Variants in ROCK1 observed in about 807,000 individuals in gnomAD.
ROCK1 encodes Rho associated coiled-coil containing protein kinase 1.
Under a neutral mutation model 196.8 loss-of-function variants are expected in ROCK1, and 36 were observed. That is an observed-to-expected ratio of 0.18 (90% CI 0.14 to 0.24). The LOEUF is 0.24. Ranked by LOEUF, ROCK1 falls within the 10% of genes least tolerant of loss-of-function variation. The probability of loss-of-function intolerance (pLI) is 1.00; values close to 1 mark genes in which losing one functional copy is unlikely to be tolerated. For synonymous variants in ROCK1, 443 were observed against 515.9 expected (o/e 0.86, Z 1.91); for missense variants, 920 against 1,562.0 (o/e 0.59, Z 6.93).
chr18:20,953,310 A>G (rs1219665591), intron 32 of ROCK1: 1 of 287,966 alleles, frequency 3.5e-6, no homozygotes, highest in Admixed American at 5.0e-5. Context: ...AGTTGGTTAA[A>G]GCATTAAGGG....
chr18:21,018,466 G>A (rs1210588570), intron 12 of ROCK1, among the ~76,000 whole-genome samples: 2 of 151,310 alleles, frequency 1.3e-5, no homozygotes, highest in Non-Finnish European at 2.9e-5. Flanking sequence ...GGAGGCAGAG[G>A]TTGCAGTGAG....
chr18:21,109,055 AT>A (rs2143612923), intron 1 of ROCK1, among the ~76,000 whole-genome samples: 1 of 152,228 alleles, frequency 6.6e-6, no homozygotes, highest in South Asian at 2.1e-4. Context: ...AATCCTATCC[AT>A]CCATTATAAA....
Position 20,960,021 on chromosome 18 carries a change from T to C in ROCK1, c.3424-93A>G, listed in dbSNP as rs191079025. The C allele has an allele frequency of 1.4e-4, 145 of 1,027,548 alleles. 2 individuals are homozygous for C. The East Asian group carries it at 1.8e-3, about 13-fold the overall frequency. The allele number at this position is 1,027,548 out of a possible 1,614,324, so 63.7% of individuals were successfully genotyped here. A position where few individuals can be genotyped will look rare whatever the true frequency, so the allele number is the denominator to read the frequency against. On this transcript the variant is annotated intron_variant, in intron 28 of 32. Transcript: ENST00000399799. ...ATATTTGCCACTAATATCTAGATTA[T>C]ACTGTATTAATGTAAAATAAATGCT...
intron 13 of ROCK1, 29 bp downstream of exon 13, chr18:21,015,402 A>C: frequency 6.9e-7 from 1 of 1,445,220 alleles, no homozygotes; most frequent in Non-Finnish European, 9.6e-7. Flanking sequence ...AATCTCAAAA[A>C]GGAAACTTGA....
At chr18:21,041,069 C>T (rs1453542430) in intron 8 of ROCK1, among the ~76,000 whole-genome samples, 2 of 151,498 alleles carry the variant, frequency 1.3e-5, no homozygotes, top group African/African-American at 2.4e-5. Flanking sequence ...TGCAGTGAGC[C>T]GAGATCATGC....
intron 4 of ROCK1, among the ~76,000 whole-genome samples, chr18:21,047,515 C>T (rs772569099): frequency 4.6e-5 from 7 of 152,082 alleles, no homozygotes; most frequent in Non-Finnish European, 7.4e-5. Flanking sequence ...CTATGGTGAC[C>T]GGGCACGGTG....
chr18:21,073,895 G>A (rs2036408399), intron 1 of ROCK1, among the ~76,000 whole-genome samples: 1 of 152,160 alleles, frequency 6.6e-6, no homozygotes, highest in South Asian at 2.1e-4. Flanking sequence ...GCTCACAACT[G>A]CAATCCCAGC....
At chr18:21,048,268 G>A (rs368283589) in intron 4 of ROCK1, among the ~76,000 whole-genome samples, 10 of 152,160 alleles carry the variant, frequency 6.6e-5, no homozygotes, top group East Asian at 1.9e-4. Context: ...ACTGAAAACC[G>A]AAAGACAAGT....
intron 10 of ROCK1, among the ~76,000 whole-genome samples, chr18:21,027,963 G>A (rs867306242): frequency 1.7e-4 from 25 of 144,488 alleles, no homozygotes; most frequent in Middle Eastern, 3.5e-3. Flanking sequence ...GGGTTTCACC[G>A]TGTTAGCCAG....
intron 9 of ROCK1, among the ~76,000 whole-genome samples, chr18:21,034,406 G>A (rs1376072360): frequency 2.0e-5 from 3 of 152,198 alleles, no homozygotes; most frequent in Admixed American, 2.0e-4. Context: ...TTACTACAGA[G>A]CTACCATAAT....
intron 9 of ROCK1, among the ~76,000 whole-genome samples, chr18:21,035,270 T>A (rs2036047003): frequency 1.3e-5 from 2 of 152,204 alleles, no homozygotes; most frequent in Admixed American, 1.3e-4. Context: ...TGGCTGAGCG[T>A]GGTGGCTCAC....
chr18:21,107,828 C>A (rs749051733), intron 1 of ROCK1, among the ~76,000 whole-genome samples: 1 of 152,114 alleles, frequency 6.6e-6, no homozygotes, highest in African/African-American at 2.4e-5. Flanking sequence ...CCAAGGCAGG[C>A]GGATTCCTTG....
chr18:21,041,891 A>G (rs1018752064), intron 8 of ROCK1, among the ~76,000 whole-genome samples: 7 of 152,154 alleles, frequency 4.6e-5, no homozygotes, highest in African/African-American at 1.7e-4. Flanking sequence ...ATCAGCCAAG[A>G]CTGTATTATT....
intron 4 of ROCK1, among the ~76,000 whole-genome samples, chr18:21,048,838 T>A (rs534829547): frequency 1.3e-5 from 2 of 152,290 alleles, no homozygotes; most frequent in South Asian, 4.1e-4. Context: ...GCATGAGCCA[T>A]CACGCCCAGC....
At chr18:20,958,767 T>C (rs143355292) in intron 29 of ROCK1, among the ~76,000 whole-genome samples, 1,791 of 108,432 alleles carry the variant, frequency 0.017, no homozygotes, top group African/African-American at 0.027. Flanking sequence ...AAATCATCTC[T>C]GTATTACTCA....
intron 6 of ROCK1, among the ~76,000 whole-genome samples, chr18:21,043,392 AACAGC>A (rs2036124697): frequency 6.6e-6 from 1 of 151,910 alleles, no homozygotes; most frequent in Admixed American, 6.6e-5. Flanking sequence ...GTATTAATGA[AACAGC>A]ATTATAACTA....
intron 1 of ROCK1, among the ~76,000 whole-genome samples, chr18:21,105,867 A>G (rs1340128107): frequency 1.3e-5 from 2 of 152,204 alleles, no homozygotes; most frequent in Non-Finnish European, 2.9e-5. Context: ...TGAATTCTTC[A>G]AGAGAGTGAA....
Position 20,970,429 on chromosome 18 carries a change from A to G in ROCK1, c.2739T>C (p.Tyr913=). ...TCTTGCTTTCTTGCGTCAATTCAAA[A>G]TACTGTTCTTCCAGAAGGCCTCGCG... The part of the protein sequence containing the change: ...QLARGLLEEQ[Y]FELTQESKKA... Residue 913 remains tyrosine (Y), a synonymous_variant, in exon 23 of 33, where the codon TAT becomes TAC. Transcript: ENST00000399799. The G allele has an allele frequency of 6.2e-7, 1 of 1,613,994 alleles. No homozygotes were observed. Among genetic ancestry groups the G allele is most frequent in the Non-Finnish European group, 8.5e-7 (1 of 1,179,874 alleles).
At chr18:21,041,261 GTCTC>G (rs1236356179) in intron 8 of ROCK1, among the ~76,000 whole-genome samples, 1 of 121,300 alleles carries the variant, frequency 8.2e-6, no homozygotes, top group Non-Finnish European at 1.7e-5. Context: ...GCAAAACCCT[GTCTC>G]TATTTAAAAA....
Sources: allele counts gnomAD v4.1 joint callset (sites outside exome capture counted in the v4.1 genomes callset), GRCh38; gene constraint gnomAD v4.1.1; transcripts MANE v1.5; gene names NCBI Gene and HGNC (gene_info 2026-07-23, HGNC 2026-07-21).